The following DAB1 variants were observed in gnomAD, a reference collection of about 807,000 sequenced individuals.
DAB1 encodes disabled homolog 1.
In DAB1, 15 loss-of-function variants were observed where a neutral mutation model predicts 64.6. That is an observed-to-expected ratio of 0.23 (90% CI 0.16 to 0.36). The LOEUF (loss-of-function observed/expected upper bound fraction) is 0.36, where lower values mean the gene tolerates loss of function less well. DAB1 is among the 10% of genes least tolerant of loss of function. The pLI is 1.00. For synonymous variants in DAB1, 235 were observed against 251.9 expected (o/e 0.93, Z 0.64); for missense variants, 596 against 706.7 (o/e 0.84, Z 1.78).
chr1:57,711,416 A>G (rs1275514196), intron 6 of DAB1, among the ~76,000 whole-genome samples: 1 of 152,184 alleles, frequency 6.6e-6, no homozygotes, highest in Non-Finnish European at 1.5e-5. Context: ...CAGATGGGAA[A>G]AGGCCTAGAC....
chr1:57,885,409 C>T (rs1557536767), upstream of DAB1, among the ~76,000 whole-genome samples: 1 of 152,246 alleles, frequency 6.6e-6, no homozygotes, highest in African/African-American at 2.4e-5. Flanking sequence ...TAACTGTTAG[C>T]TCTCATTTCA....
chr1:57,021,578 T>G (rs2100366748), intron 11 of DAB1, among the ~76,000 whole-genome samples: 1 of 152,296 alleles, frequency 6.6e-6, no homozygotes, highest in South Asian at 2.1e-4. Context: ...CTCCTTTTTC[T>G]TCCACCATGA....
At chr1:57,408,183 A>T (rs1683809039) in intron 1 of DAB1, among the ~76,000 whole-genome samples, 1 of 152,200 alleles carries the variant, frequency 6.6e-6, no homozygotes, top group South Asian at 2.1e-4. Context: ...AAGCTAGCAC[A>T]TCGTGTTTCC....
chr1:57,595,250 T>A (rs567129492), intron 7 of DAB1, among the ~76,000 whole-genome samples: 1 of 151,852 alleles, frequency 6.6e-6, no homozygotes. Flanking sequence ...GATTCTAAAT[T>A]TTTTTTAGAT....
chr1:58,415,420 A>G (rs1486527793), intron 3 of DAB1: 1 of 244,118 alleles, frequency 4.1e-6, no homozygotes, highest in East Asian at 1.8e-4. Context: ...TTCCATTTCC[A>G]CTTAGGTGTA....
At chr1:57,580,036 G>A (rs1645293514) in intron 7 of DAB1, among the ~76,000 whole-genome samples, 2 of 152,122 alleles carry the variant, frequency 1.3e-5, no homozygotes, top group Admixed American at 1.3e-4. Context: ...GGGCACACAG[G>A]GTTAGGATTG....
intron 4 of DAB1, among the ~76,000 whole-genome samples, chr1:58,193,811 G>A (rs967019740): frequency 2.0e-5 from 3 of 151,552 alleles, no homozygotes; most frequent in Non-Finnish European, 2.9e-5. Flanking sequence ...AGCCAAGATC[G>A]CACCATTGCA....
chr1:57,145,033 A>G (rs1488730984), intron 3 of DAB1, among the ~76,000 whole-genome samples: 3 of 152,232 alleles, frequency 2.0e-5, no homozygotes, highest in Non-Finnish European at 4.4e-5. Context: ...GCAAAATGAA[A>G]ATAAAATGGA....
intron 6 of DAB1, among the ~76,000 whole-genome samples, chr1:57,674,175 A>G (rs567211344): frequency 6.6e-6 from 1 of 152,300 alleles, no homozygotes; most frequent in Non-Finnish European, 1.5e-5. Context: ...AACTAGAAGT[A>G]ATTCTGTCTC....
intron 5 of DAB1, among the ~76,000 whole-genome samples, chr1:58,099,528 C>T (rs1220350005): frequency 6.6e-6 from 1 of 152,102 alleles, no homozygotes; most frequent in Non-Finnish European, 1.5e-5. Flanking sequence ...ATTTATTCAC[C>T]ATTTGCTATG....
chr1:57,467,969 T>G (rs576366651), intron 7 of DAB1, among the ~76,000 whole-genome samples: 1 of 152,324 alleles, frequency 6.6e-6, no homozygotes, highest in East Asian at 1.9e-4. Context: ...TAGAGAGAAC[T>G]GTGTTCTGAG....
At chr1:58,165,120 C>T (rs1655755647) in intron 4 of DAB1, among the ~76,000 whole-genome samples, 1 of 152,146 alleles carries the variant, frequency 6.6e-6, no homozygotes, top group Admixed American at 6.5e-5. Context: ...TCACCAAGGT[C>T]CTGACCACTG....
chr1:57,206,968 CT>C (rs201111039), intron 2 of DAB1, among the ~76,000 whole-genome samples: 3,017 of 84,474 alleles, frequency 0.036, 21 homozygotes, highest in African/African-American at 0.062. Context: ...TCCTTCCTTC[CT>C]TTTTTTTTTT....
intron 1 of DAB1, among the ~76,000 whole-genome samples, chr1:57,849,754 T>C (rs1653436992): frequency 6.6e-6 from 1 of 152,242 alleles, no homozygotes; most frequent in African/African-American, 2.4e-5. Context: ...ATCCCAGCAA[T>C]GCCCAGAATT....
chr1:57,389,607 A>G (rs1254354244), intron 1 of DAB1, among the ~76,000 whole-genome samples: 2 of 152,198 alleles, frequency 1.3e-5, no homozygotes. Flanking sequence ...CCAACTCAAC[A>G]AAAGAAATGA....
At chr1:57,150,134 G>A (rs1404157638) in intron 2 of DAB1, among the ~76,000 whole-genome samples, 1 of 152,182 alleles carries the variant, frequency 6.6e-6, no homozygotes, top group Non-Finnish European at 1.5e-5. Flanking sequence ...TCGTTGGTAA[G>A]TTCCTTTACA....
chr1:58,194,178 C>T (rs981392494), intron 4 of DAB1, among the ~76,000 whole-genome samples: 3 of 152,110 alleles, frequency 2.0e-5, no homozygotes, highest in African/African-American at 7.2e-5. Flanking sequence ...GACAGTATTC[C>T]GGTTAAGGGA....
At chr1:57,706,617 C>T (rs1646969520) in intron 6 of DAB1, among the ~76,000 whole-genome samples, 1 of 152,082 alleles carries the variant, frequency 6.6e-6, no homozygotes, top group African/African-American at 2.4e-5. Flanking sequence ...GCCCAGACTA[C>T]TCACATGTTT....
At chr1:58,495,186 G>A (rs967363104) in intron 3 of DAB1, among the ~76,000 whole-genome samples, 4 of 151,986 alleles carry the variant, frequency 2.6e-5, no homozygotes, top group Admixed American at 6.6e-5. Flanking sequence ...ACTAAACACT[G>A]CAGGTTCTCA....
Sources: gnomAD v4.1 joint callset for allele counts (sites outside exome capture counted in the v4.1 genomes callset) on GRCh38, gnomAD v4.1.1 for gene constraint, MANE v1.5 for transcripts, NCBI Gene and HGNC (gene_info 2026-07-23, HGNC 2026-07-21) for gene names.